The following NEB variants were observed in gnomAD, a reference collection of about 807,000 sequenced individuals.
The protein encoded by NEB is nebulin.
NEB carries 512 observed loss-of-function variants against 952.2 expected under a neutral mutation model. The ratio of observed to expected loss-of-function variants is 0.54; its 90% CI spans 0.50 to 0.58. The LOEUF is 0.58. NEB is among the 20% of genes least tolerant of loss of function. The pLI is 0.00. For synonymous variants in NEB, 2,900 were observed against 3,149.8 expected, an observed-to-expected ratio of 0.92 and a Z score of 2.66; for missense variants, 8,428 against 9,231.1, an observed-to-expected ratio of 0.91 and a Z score of 3.56.
At position 151,639,339 on chromosome 2, in the gene NEB, T is replaced by C. The variant is rs1250321534; in HGVS notation, c.8935A>G (p.Ile2979Val). 1 of 1,546,652 alleles carries C rather than the reference T, an allele frequency of 6.5e-7. No homozygotes were observed. ...AWDKDKTQIH[I>V]MPDTPEIMLA... Reference sequence around the variant, plus strand: ...ATAATTTCTGGTGTGTCTGGCATTATGTGGATCTGAGTCTTGTCTTTGTCC... The same window carrying C: ...ATAATTTCTGGTGTGTCTGGCATTACGTGGATCTGAGTCTTGTCTTTGTCC... The change falls in exon 63 of 182, where the codon ATA (isoleucine) becomes GTA (valine). Residue 2979 changes from isoleucine (I) to valine (V), a missense_variant. This residue lies in a region of NEB where 1,772 missense variants were observed against 1,960.3 expected (regional missense o/e 0.90). Transcript: ENST00000397345.
chr2:151,722,531 T>G (rs937864928), intron 9 of NEB, among the ~76,000 whole-genome samples: 2 of 152,246 alleles, frequency 1.3e-5, no homozygotes, highest in South Asian at 2.1e-4. Flanking sequence ...TTAGTTGTTG[T>G]TGGTGTGGTC....
intron 173 of NEB, among the ~76,000 whole-genome samples, chr2:151,494,568 A>G (rs1036472376): frequency 6.6e-6 from 1 of 152,104 alleles, no homozygotes; most frequent in African/African-American, 2.4e-5. Flanking sequence ...TCCAAACAGG[A>G]GTTACAGGCA....
intron 130 of NEB, 91 bp downstream of exon 130, chr2:151,549,545 G>A (rs751720097): frequency 1.2e-6 from 1 of 851,284 alleles, no homozygotes; most frequent in Non-Finnish European, 2.0e-6. Context: ...CCTTGAGGGT[G>A]AGACTGGAGG....
Position 151,491,779 on chromosome 2 carries a change from A to C in NEB, c.25058-4T>G. The C allele has an allele frequency of 7.6e-6, 12 of 1,577,010 alleles. No individual in the cohort carries two copies. Among genetic ancestry groups the C allele is most frequent in the Non-Finnish European group, 9.5e-6 (11 of 1,159,362 alleles). The stretch of plus-strand genomic sequence containing the variant: ...TTAGTACGCCAGACACGTAAACCTG[A>C]AAGGGAAACCAGTGATCAGAACAAG... On this transcript the variant is annotated splice_polypyrimidine_tract_variant and splice_region_variant and intron_variant, in intron 178 of 181. Coordinates refer to ENST00000397345, the MANE Select transcript of NEB (RefSeq NM_001164508.2).
At chr2:151,732,472 C>G (rs886827709) in intron 3 of NEB, among the ~76,000 whole-genome samples, 3 of 152,102 alleles carry the variant, frequency 2.0e-5, no homozygotes, top group Admixed American at 6.5e-5. Flanking sequence ...TGTTCTTATT[C>G]AAAATTCAAA....
At chr2:151,620,036 C>T (rs548258921) in intron 72 of NEB, among the ~76,000 whole-genome samples, 1 of 152,050 alleles carries the variant, frequency 6.6e-6, no homozygotes, top group Admixed American at 6.5e-5. Context: ...CAGTAATAAA[C>T]CATGATGGTG....
rs571669097 is a variant in NEB, at chr2:151,630,491, C to T, written c.9723+224G>A. 5.3e-5 allele frequency among the ~76,000 whole-genome samples: 8 copies of T among 152,318 alleles called. No individual in the cohort carries two copies. The South Asian group carries it at 1.4e-3, about 28-fold the overall frequency. On this transcript the variant is annotated intron_variant, in intron 67 of 181. Transcript: ENST00000397345. ...AAGTGTCTAAAATACTACTCAGTCCCACTGACTCACTGGAAATCACCACGA... is the reference window on the plus strand; with the variant it reads ...AAGTGTCTAAAATACTACTCAGTCCTACTGACTCACTGGAAATCACCACGA...
At chr2:151,698,202 A>C (rs1481670620) in intron 13 of NEB, among the ~76,000 whole-genome samples, 1 of 152,142 alleles carries the variant, frequency 6.6e-6, no homozygotes, top group Admixed American at 6.5e-5. Flanking sequence ...AACTCAAAAA[A>C]ATTTTTTTTC....
In NEB at chr2:151,492,078, C is replaced by T. The variant is rs752766337; in HGVS notation, c.25057+20G>A. On this transcript the variant is annotated intron_variant, in intron 178 of 181. Transcript: ENST00000397345. ...CCCTCACTTAAAGTTAATCCCCTCC[C>T]CCAACCCAGGCTCAGTTACCTGTAA... is the stretch of plus-strand genomic sequence containing the variant. 29 of 1,612,494 alleles carry T rather than the reference C, an allele frequency of 1.8e-5. No homozygotes were observed. The highest frequency in any genetic ancestry group is 2.4e-5 in the Non-Finnish European group (28 of 1,178,788).
Position 151,570,526 on chromosome 2 carries a change from C to T in NEB, c.17089G>A (p.Ala5697Thr). 1 of 1,611,576 alleles carries T rather than the reference C, an allele frequency of 6.2e-7. No homozygotes were observed. The highest frequency in any genetic ancestry group is 8.5e-7 in the Non-Finnish European group (1 of 1,178,998). Residue 5697 changes from alanine to threonine, a missense_variant, in exon 108 of 182, where the codon GCC (alanine) becomes ACC (threonine). By Grantham distance (58) the Ala-to-Thr change is moderately conservative. Transcript: ENST00000397345. ...VRLDAIPIQA[A>T]KASREIASDY... ...CTGGCAATCTCCCTGGAGGCCTTGG[C>T]AGCCTGGATGGGGATGGCATCCAGC...
intron 130 of NEB, among the ~76,000 whole-genome samples, 184 bp from the exon 131 acceptor site, chr2:151,548,599 A>G (rs1247166508): frequency 6.6e-6 from 1 of 152,222 alleles, no homozygotes; most frequent in Non-Finnish European, 1.5e-5. Context: ...TGTGTTGGAA[A>G]ATAAAACCAG....
intron 3 of NEB, among the ~76,000 whole-genome samples, chr2:151,731,334 CTCTT>C (rs1470149677): frequency 6.6e-6 from 1 of 152,174 alleles, no homozygotes; most frequent in Admixed American, 6.6e-5. Flanking sequence ...TTGCTTCTCT[CTCTT>C]TCTTTTCAAG....
intron 10 of NEB, among the ~76,000 whole-genome samples, chr2:151,715,907 A>G (rs978288786): frequency 1.3e-4 from 20 of 152,162 alleles, no homozygotes; most frequent in South Asian, 2.1e-4. Flanking sequence ...ACGAGTTTGA[A>G]AGTGATTTTC....
intron 40 of NEB, among the ~76,000 whole-genome samples, chr2:151,666,873 T>G (rs967009155): frequency 6.6e-6 from 1 of 152,084 alleles, no homozygotes; most frequent in African/African-American, 2.4e-5. Context: ...ATGTATGCTT[T>G]TTTATGACTA....
At position 151,636,257 on chromosome 2, in the gene NEB, C is replaced by T. The variant is rs369897667; in HGVS notation, c.9072G>A (p.Ala3024=). The change falls in exon 64 of 182, where the codon GCG becomes GCA. Residue 3024 remains alanine, a synonymous_variant. Transcript: ENST00000397345. ...TGATGATGTCCCTGGAGGCCTTGGC[C>T]GCCACGATGGGGATGGCGTCGCTTC... ...DLRSDAIPIV[A]AKASRDIISD... is the part of the protein sequence containing the mutation. The T allele has an allele frequency of 1.8e-3, 2,909 of 1,610,126 alleles. 9 individuals are homozygous for T. Among genetic ancestry groups the T allele is most frequent in the South Asian group, 3.8e-3 (343 of 91,060 alleles).
chr2:151,677,848 G>A (rs866368828), intron 33 of NEB, 28 bp downstream of exon 33: 1 of 1,605,550 alleles, frequency 6.2e-7, no homozygotes, highest in Non-Finnish European at 8.5e-7. Flanking sequence ...TTAATAGGGG[G>A]GTTTCTTGAG....
intron 69 of NEB, 57 bp downstream of exon 69, chr2:151,627,466 C>T: frequency 1.3e-6 from 2 of 1,581,566 alleles, no homozygotes; most frequent in Non-Finnish European, 1.7e-6. Flanking sequence ...ACCACTGTCT[C>T]AGTATTTCTA....
In NEB at chr2:151,729,650, T is replaced by C. The variant is rs918736685; in HGVS notation, c.43A>G (p.Thr15Ala). The C allele has an allele frequency of 1.2e-6, 2 of 1,613,316 alleles. No homozygotes were observed. Among genetic ancestry groups the C allele is most frequent in the Non-Finnish European group, 8.5e-7 (1 of 1,179,454 alleles). ...EDYEEVVEYY[T>A]EEVVYEEVPG... ...ACCTCTTCGTAAACCACTTCTTCTG[T>C]GTAGTACTGTAAATAGAGCACAAAG... is the stretch of plus-strand genomic sequence containing the variant. Residue 15 changes from threonine to alanine, a missense_variant, in exon 4 of 182, where the codon ACA (threonine) becomes GCA (alanine). By Grantham distance (58) the Thr-to-Ala change is moderately conservative (BLOSUM62 0). Around this residue, in one of 11 missense-constraint regions of NEB, gnomAD observed 2,851 missense variants for 2,791.5 expected, o/e 1.02. Transcript: ENST00000397345.
At chr2:151,546,599 C>T (rs2094733318) in intron 133 of NEB, among the ~76,000 whole-genome samples, 156 bp from the exon 134 acceptor site, 1 of 140,658 alleles carries the variant, frequency 7.1e-6, no homozygotes, top group Non-Finnish European at 1.5e-5. Flanking sequence ...ATTCTTGTTG[C>T]CCAGGCTGGA....
Sources: gnomAD v4.1 joint callset for allele counts (sites outside exome capture counted in the v4.1 genomes callset) on GRCh38, gnomAD v4.1.1 for gene constraint, gnomAD v4.1.1 regional missense constraint, MANE v1.5 for transcripts, NCBI Gene and HGNC (gene_info 2026-07-23, HGNC 2026-07-21) for gene names.